Variants in SCHIP1 observed in about 807,000 individuals in gnomAD.
SCHIP1 encodes the protein schwannomin interacting protein 1, also known as schwannomin-interacting protein 1.
Under a neutral mutation model 29.7 loss-of-function variants are expected in SCHIP1, and 8 were observed. That is an observed-to-expected ratio of 0.27 (90% CI 0.16 to 0.49). The LOEUF is 0.49. Ranked by LOEUF, SCHIP1 falls within the 20% of genes least tolerant of loss-of-function variation. The pLI is 0.99. For synonymous variants in SCHIP1, 76 were observed against 94.9 expected, an observed-to-expected ratio of 0.80 and a Z score of 1.16; for missense variants, 193 against 294.6, an observed-to-expected ratio of 0.66 and a Z score of 2.52.
chr3:159,776,310 A>G, the SCHIP1 span, among the ~76,000 whole-genome samples: 1 of 145,428 alleles, frequency 6.9e-6, no homozygotes, highest in African/African-American at 2.5e-5. Context: ...TATTTTGAAC[A>G]ACTACATCTT....
the SCHIP1 span, among the ~76,000 whole-genome samples, chr3:159,557,387 T>C: frequency 1.3e-5 from 2 of 152,262 alleles, no homozygotes; most frequent in African/African-American, 4.8e-5. Context: ...CTTTTCATTC[T>C]TCTAAGAAAT....
At chr3:159,339,615 G>A in the SCHIP1 span, among the ~76,000 whole-genome samples, 1 of 152,202 alleles carries the variant, frequency 6.6e-6, no homozygotes, top group African/African-American at 2.4e-5. Flanking sequence ...TAGTTTGATA[G>A]ATGTGCCTTC....
the SCHIP1 span, among the ~76,000 whole-genome samples, chr3:159,731,460 G>A: frequency 6.6e-6 from 1 of 152,196 alleles, no homozygotes; most frequent in African/African-American, 2.4e-5. Context: ...AGGAGTAGAC[G>A]AGGCCGGTAG....
chr3:159,597,039 T>G, the SCHIP1 span, among the ~76,000 whole-genome samples: 1 of 151,852 alleles, frequency 6.6e-6, no homozygotes, highest in African/African-American at 2.4e-5. Flanking sequence ...AATTTAAATC[T>G]TGATAAGTCA....
chr3:159,545,812 T>C, the SCHIP1 span, among the ~76,000 whole-genome samples: 3,068 of 150,906 alleles, frequency 0.02, 71 homozygotes, highest in Non-Finnish European at 0.029. Flanking sequence ...CTTCCATTTG[T>C]TCTGTCCCTC....
At chr3:159,762,603 T>G in the SCHIP1 span, among the ~76,000 whole-genome samples, 1 of 152,342 alleles carries the variant, frequency 6.6e-6, no homozygotes, top group African/African-American at 2.4e-5. Flanking sequence ...TGTTATAAAA[T>G]TAAGTAATAT....
the SCHIP1 span, among the ~76,000 whole-genome samples, chr3:159,481,850 A>T: frequency 6.6e-6 from 1 of 152,298 alleles, no homozygotes; most frequent in South Asian, 2.1e-4. Context: ...TTTAACCTTA[A>T]TAAGAAAACA....
chr3:159,781,055 GA>G, the SCHIP1 span, among the ~76,000 whole-genome samples: 1 of 152,316 alleles, frequency 6.6e-6, no homozygotes, highest in Non-Finnish European at 1.5e-5. Context: ...TTTTTAATGT[GA>G]ATTAAAGATT....
the SCHIP1 span, among the ~76,000 whole-genome samples, chr3:159,306,005 TG>T: frequency 6.6e-6 from 1 of 152,256 alleles, no homozygotes; most frequent in African/African-American, 2.4e-5. Flanking sequence ...TTGTTTAAGA[TG>T]TATCTACACA....
the SCHIP1 span, among the ~76,000 whole-genome samples, chr3:159,280,251 A>G: frequency 6.6e-6 from 1 of 152,132 alleles, no homozygotes; most frequent in South Asian, 2.1e-4. Flanking sequence ...ACTATGCTTT[A>G]TTGCTATGCC....
the SCHIP1 span, among the ~76,000 whole-genome samples, chr3:159,340,252 AC>A: frequency 1.3e-5 from 2 of 151,920 alleles, no homozygotes; most frequent in Non-Finnish European, 2.9e-5. Flanking sequence ...TAGATGGAAA[AC>A]CCTCTCTCAT....
the SCHIP1 span, among the ~76,000 whole-genome samples, chr3:159,509,985 T>G: frequency 3.9e-5 from 6 of 152,158 alleles, no homozygotes; most frequent in African/African-American, 1.4e-4. Flanking sequence ...TGTGGCATTC[T>G]CTGTATTTCC....
At chr3:159,511,448 C>T in the SCHIP1 span, among the ~76,000 whole-genome samples, 2 of 152,170 alleles carry the variant, frequency 1.3e-5, no homozygotes, top group East Asian at 3.9e-4. Flanking sequence ...TGCTTCAGCT[C>T]ACACTCGGTG....
the SCHIP1 span, among the ~76,000 whole-genome samples, chr3:159,775,517 C>T: frequency 6.6e-6 from 1 of 152,218 alleles, no homozygotes; most frequent in Admixed American, 6.5e-5. Context: ...CACTGTGGTC[C>T]TCAGCCTGCC....
chr3:159,878,010 C>T (rs1253522875), intron 2 of SCHIP1, among the ~76,000 whole-genome samples: 1 of 152,204 alleles, frequency 6.6e-6, no homozygotes, highest in African/African-American at 2.4e-5. Context: ...TTGCTGCCCA[C>T]GGATCTCCCA....
chr3:159,278,779 T>C, the SCHIP1 span, among the ~76,000 whole-genome samples: 1 of 152,312 alleles, frequency 6.6e-6, no homozygotes, highest in South Asian at 2.1e-4. Context: ...TAGGCTATGC[T>C]GTAACGAAGG....
At chr3:159,624,832 C>T in the SCHIP1 span, among the ~76,000 whole-genome samples, 8 of 152,230 alleles carry the variant, frequency 5.3e-5, no homozygotes, top group South Asian at 1.0e-3. Flanking sequence ...ACCTGAGGGA[C>T]TTGTTTGGGA....
At chr3:159,449,159 T>C in the SCHIP1 span, among the ~76,000 whole-genome samples, 1 of 152,218 alleles carries the variant, frequency 6.6e-6, no homozygotes, top group African/African-American at 2.4e-5. Flanking sequence ...GATGTCCTTC[T>C]GCCTTGCTCA....
chr3:159,864,736 C>G (rs1370949136), intron 1 of SCHIP1, among the ~76,000 whole-genome samples: 1 of 152,124 alleles, frequency 6.6e-6, no homozygotes, highest in Non-Finnish European at 1.5e-5. Flanking sequence ...CTGGGGCATT[C>G]TAATGCAGCC....
Sources: allele counts gnomAD v4.1 joint callset (sites outside exome capture counted in the v4.1 genomes callset), GRCh38; gene constraint gnomAD v4.1.1; transcripts MANE v1.5; gene names NCBI Gene and HGNC (gene_info 2026-07-23, HGNC 2026-07-21).